Variants in ZBTB11 observed in about 807,000 individuals in gnomAD.
ZBTB11 encodes zinc finger and BTB domain-containing protein 11.
ZBTB11 carries 68 observed loss-of-function variants against 113.1 expected under a neutral mutation model. The ratio of observed to expected loss-of-function variants is 0.60; its 90% CI spans 0.49 to 0.74. The LOEUF (loss-of-function observed/expected upper bound fraction) is 0.74. Among genes scored for constraint, ZBTB11 ranks in the 30% least tolerant of loss-of-function variants. The pLI is 0.00. For synonymous variants in ZBTB11, 518 were observed against 452.6 expected, an observed-to-expected ratio of 1.14 and a Z score of -1.83; for missense variants, 1,104 against 1,279.4, an observed-to-expected ratio of 0.86 and a Z score of 2.09.
chr3:101,651,011 T>C lies in ZBTB11; in HGVS notation c.*155A>G, dbSNP rs140775671. On this transcript the variant is annotated 3_prime_UTR_variant, in exon 11 of 11. Coordinates refer to ENST00000312938, the MANE Select transcript of ZBTB11 (RefSeq NM_014415.4). ...TAAACGGACTTTTCTATAGAACCCA[T>C]TGGCCAGACAAAATGTTTGGAAACG... 9 of 793,794 alleles carry C rather than the reference T, an allele frequency of 1.1e-5. No homozygotes were observed. The Admixed American group carries it at 1.3e-4, about 12-fold the overall frequency. 49.2% of individuals were successfully genotyped at this position (793,794 alleles called of 1,614,324 possible).
chr3:101,676,942 T>G lies in ZBTB11; in HGVS notation c.-28A>C, dbSNP rs113355382. 3 of 1,532,684 alleles carry G rather than the reference T, an allele frequency of 2.0e-6. No individual in the cohort carries two copies. The highest frequency in any genetic ancestry group is 2.5e-5 in the South Asian group (2 of 80,324). The allele number at this position is 1,532,684 out of a possible 1,614,324, so 94.9% of individuals were successfully genotyped here. Reference sequence around the variant, plus strand: ...CGGACCGCGGCTCCCTGAGGGCGCCTGTCAGGGACAGGTGAGGAAAACGGC... The same window carrying G: ...CGGACCGCGGCTCCCTGAGGGCGCCGGTCAGGGACAGGTGAGGAAAACGGC... On this transcript the variant is annotated 5_prime_UTR_variant, in exon 1 of 11. Transcript: ENST00000312938.
chr3:101,664,358 A>G (rs921623238), intron 5 of ZBTB11, among the ~76,000 whole-genome samples, 180 bp downstream of exon 5: 1 of 152,238 alleles, frequency 6.6e-6, no homozygotes, highest in Non-Finnish European at 1.5e-5. Context: ...GGAAGCAGAG[A>G]TAAGGCTAAG....
intron 3 of ZBTB11, 73 bp from the exon 4 acceptor site, chr3:101,665,881 A>G: frequency 2.1e-6 from 3 of 1,402,192 alleles, no homozygotes; most frequent in Non-Finnish European, 1.9e-6. Context: ...ATGACAATAT[A>G]AAATATAATT....
intron 1 of ZBTB11, among the ~76,000 whole-genome samples, chr3:101,675,941 C>G (rs891834106): frequency 1.3e-5 from 2 of 152,132 alleles, no homozygotes; most frequent in Non-Finnish European, 2.9e-5. Context: ...AACACCCCGC[C>G]CCCGCAAAAC....
rs1559981349 is a variant in ZBTB11, at chr3:101,652,671, C to T, written c.2469G>A (p.Arg823=). The T allele has an allele frequency of 6.2e-7, 1 of 1,613,234 alleles. No homozygotes were observed. The highest frequency in any genetic ancestry group is 8.5e-7 in the Non-Finnish European group (1 of 1,179,802). Residue 823 remains arginine, a splice_region_variant and synonymous_variant, in exon 10 of 11, where the codon AGG becomes AGA. Coordinates refer to ENST00000312938, the MANE Select transcript of ZBTB11 (RefSeq NM_014415.4). ...VKSHSVTEPY[R]CNICGKEFYE... ...AAAATTCTTTGCCACATATATTACA[C>T]CTAAAATAGGGGAAAAGACCCAATT...
intron 6 of ZBTB11, among the ~76,000 whole-genome samples, chr3:101,658,227 ATTT>A (rs200382292): frequency 7.0e-6 from 1 of 143,382 alleles, no homozygotes; most frequent in Admixed American, 7.0e-5. Context: ...TTAAAAATTA[ATTT>A]TTTTTTTTTT....
At chr3:101,660,389 G>T (rs941389763) in intron 5 of ZBTB11, among the ~76,000 whole-genome samples, 3 of 152,224 alleles carry the variant, frequency 2.0e-5, no homozygotes, top group Admixed American at 1.3e-4. Context: ...ATGGTCCTTG[G>T]ATTTTATCTC....
At chr3:101,667,828 A>G (rs143667283) in intron 3 of ZBTB11, among the ~76,000 whole-genome samples, 357 of 152,274 alleles carry the variant, frequency 2.3e-3, no homozygotes, top group South Asian at 0.011. Context: ...AACTAAAAAT[A>G]TAACTACTAT....
Position 101,651,115 on chromosome 3 carries a change from G to C in ZBTB11, c.*51C>G, listed in dbSNP as rs2108313824. On this transcript the variant is annotated 3_prime_UTR_variant, in exon 11 of 11. Coordinates refer to ENST00000312938, the MANE Select transcript of ZBTB11 (RefSeq NM_014415.4). ...ACACAGAATTGTAAACAAATGTTCT[G>C]TGAGTTCAGTGTACAAGAGATGTCA... 1 of 1,501,184 alleles carries C rather than the reference G, an allele frequency of 6.7e-7. No homozygotes were observed. The allele number at this position is 1,501,184 out of a possible 1,614,324, so 93.0% of individuals were successfully genotyped here. A position where few individuals can be genotyped will look rare whatever the true frequency, so the allele number is the denominator to read the frequency against.
Position 101,656,133 on chromosome 3 carries a change from C to G in ZBTB11, c.2162G>C (p.Ser721Thr). Residue 721 changes from serine to threonine, a missense_variant, in exon 7 of 11, where the codon AGT becomes ACT. Around this residue, in one of 5 missense-constraint regions of ZBTB11, gnomAD observed 535 missense variants for 518.6 expected, o/e 1.03. Coordinates refer to ENST00000312938, the MANE Select transcript of ZBTB11 (RefSeq NM_014415.4). ...GTGAATACTCATATGTTCTTGAAGACTCCGTTTGGTAACAAATGACTTAAC... is the reference window on the plus strand; with the variant it reads ...GTGAATACTCATATGTTCTTGAAGAGTCCGTTTGGTAACAAATGACTTAAC... ...LCVKSFVTKR[S>T]LQEHMSIHTG... The G allele has an allele frequency of 6.3e-7, 1 of 1,591,322 alleles. No individual in the cohort carries two copies. Among genetic ancestry groups the G allele is most frequent in the Non-Finnish European group, 8.5e-7 (1 of 1,170,604 alleles).
intron 1 of ZBTB11, 113 bp downstream of exon 1, chr3:101,676,492 C>T: frequency 8.9e-7 from 1 of 1,121,400 alleles, no homozygotes; most frequent in Non-Finnish European, 1.2e-6. Context: ...GCAGCTCCGC[C>T]GCCCAGAGGC....
In ZBTB11 at chr3:101,659,907, G is replaced by A; in HGVS notation, c.1922C>T (p.Ser641Leu). 1 of 1,614,190 alleles carries A rather than the reference G, an allele frequency of 6.2e-7. No individual in the cohort carries two copies. The highest frequency in any genetic ancestry group is 8.5e-7 in the Non-Finnish European group (1 of 1,180,036). ...CCGCTTGGTTCTGCCCTTCTCAGAT[G>A]ATGTTCCCGATGCTTCATTAGACGT... Reference protein sequence around the residue: ...NSTSNEASGTSSEKGRTKREF... With the variant: ...NSTSNEASGTLSEKGRTKREF... Residue 641 changes from serine to leucine, a missense_variant, in exon 6 of 11, where the codon TCA (serine) becomes TTA (leucine). Physicochemically the swap from Ser to Leu is moderately radical, Grantham distance 145. Coordinates refer to ENST00000312938, the MANE Select transcript of ZBTB11 (RefSeq NM_014415.4).
chr3:101,654,626 T>C, intron 8 of ZBTB11, 78 bp downstream of exon 8: 1 of 1,247,310 alleles, frequency 8.0e-7, no homozygotes. Flanking sequence ...CAGTTTAATA[T>C]TATCTTCAAA....
chr3:101,660,082 T>C, intron 5 of ZBTB11, 54 bp from the exon 6 acceptor site: 2 of 1,557,152 alleles, frequency 1.3e-6, no homozygotes, highest in Non-Finnish European at 1.8e-6. Flanking sequence ...AAATGTTAAC[T>C]GAAACTCAAC....
chr3:101,665,549 G>A lies in ZBTB11; in HGVS notation c.1038C>T (p.Ser346=), dbSNP rs1936982324. The part of the protein sequence containing the change: ...QNGGTAPPVA[S]SEGTTTSLPT... The stretch of plus-strand genomic sequence containing the variant: ...GTAAACTTGTTGTGGTTCCCTCACT[G>A]CTAGCAACAGGAGGTGCTGTACCTC... The change falls in exon 4 of 11, where the codon AGC becomes AGT. Residue 346 remains serine, a synonymous_variant. Transcript: ENST00000312938. The A allele has an allele frequency of 6.2e-7, 1 of 1,614,174 alleles. No individual in the cohort carries two copies. Among genetic ancestry groups the A allele is most frequent in the South Asian group, 1.1e-5 (1 of 91,082 alleles).
At position 101,652,482 on chromosome 3, in the gene ZBTB11, T is replaced by C. The variant is rs768339414; in HGVS notation, c.2644+14A>G. The C allele has an allele frequency of 5.6e-6, 9 of 1,608,788 alleles. No homozygotes were observed. The South Asian group carries it at 7.7e-5, about 14-fold the overall frequency. On this transcript the variant is annotated intron_variant, in intron 10 of 10. Transcript: ENST00000312938. ...TTATTCTATAAGGATACATATAATA[T>C]AAAGTATAGTTACCTTCATGGTTGT... is the stretch of plus-strand genomic sequence containing the variant.
At position 101,659,823 on chromosome 3, in the gene ZBTB11, T is replaced by A. The variant is rs375982674; in HGVS notation, c.2006A>T (p.His669Leu). The change falls in exon 6 of 11, where the codon CAT becomes CTT. Residue 669 changes from histidine to leucine, a missense_variant. Around this residue, in one of 5 missense-constraint regions of ZBTB11, gnomAD observed 535 missense variants for 518.6 expected, o/e 1.03. Transcript: ENST00000312938. ...TLPKLYSLRI[H>L]MLKHTGVKPH... is the part of the protein sequence containing the mutation. Reference sequence around the variant, plus strand: ...CTTTACACCTGTGTGCTTTAACATATGTATTCGGAGAGAATATAATTTAGG... The same window carrying A: ...CTTTACACCTGTGTGCTTTAACATAAGTATTCGGAGAGAATATAATTTAGG... The A allele has an allele frequency of 6.2e-7, 1 of 1,614,212 alleles. No individual in the cohort carries two copies. The highest frequency in any genetic ancestry group is 8.5e-7 in the Non-Finnish European group (1 of 1,180,020).
intron 3 of ZBTB11, among the ~76,000 whole-genome samples, chr3:101,668,712 T>C (rs566049271): frequency 4.4e-4 from 67 of 152,186 alleles, no homozygotes; most frequent in African/African-American, 1.4e-3. Flanking sequence ...CTAATTACCC[T>C]CATTTGATCA....
At chr3:101,661,899 T>G (rs1415309609) in intron 5 of ZBTB11, among the ~76,000 whole-genome samples, 1 of 152,124 alleles carries the variant, frequency 6.6e-6, no homozygotes, top group East Asian at 1.9e-4. Context: ...TCACTCCCAT[T>G]TCTAACTTGT....
Sources: gnomAD v4.1 joint callset for allele counts (sites outside exome capture counted in the v4.1 genomes callset) on GRCh38, gnomAD v4.1.1 for gene constraint, gnomAD v4.1.1 regional missense constraint, MANE v1.5 for transcripts, NCBI Gene and HGNC (gene_info 2026-07-23, HGNC 2026-07-21) for gene names.